LRP1B: variants seen among roughly 807,000 people sequenced by gnomAD.
LRP1B encodes the protein low-density lipoprotein receptor-related protein 1B.
A neutral mutation model predicts 556.6 loss-of-function variants in LRP1B; 217 were observed. The ratio of observed to expected loss-of-function variants is 0.39; its 90% CI spans 0.35 to 0.44. The LOEUF is 0.44. LRP1B is among the 20% of genes least tolerant of loss of function. The pLI, the probability that LRP1B is intolerant of heterozygous loss-of-function variation, is 1.00. For missense variants in LRP1B, 5,053 were observed against 5,620.8 expected, an observed-to-expected ratio of 0.90 and a Z score of 3.23; for synonymous variants, 2,047 against 1,865.8, an observed-to-expected ratio of 1.10 and a Z score of -2.50.
chr2:140,955,191 C>T (rs563757394), intron 18 of LRP1B, among the ~76,000 whole-genome samples: 1 of 151,900 alleles, frequency 6.6e-6, no homozygotes, highest in African/African-American at 2.4e-5. Context: ...GGGGTTTTCA[C>T]AGCATTATAA....
intron 35 of LRP1B, among the ~76,000 whole-genome samples, chr2:140,725,399 T>C (rs1474860405): frequency 6.6e-6 from 1 of 151,802 alleles, no homozygotes; most frequent in Non-Finnish European, 1.5e-5. Context: ...AAACATGAAA[T>C]ACAAACAGTG....
rs1687157414 is a variant in LRP1B, at chr2:140,457,657, A to G, written c.9626-6T>C. ...TGGAATATCTTGATTAGGGACTGTA[A>G]TAGGAGATGGTAAGATTAATGTTCA... On this transcript the variant is annotated splice_polypyrimidine_tract_variant and splice_region_variant and intron_variant, in intron 60 of 90. Transcript: ENST00000389484. 1 of 1,606,840 alleles carries G rather than the reference A, an allele frequency of 6.2e-7. No individual in the cohort carries two copies. The highest frequency in any genetic ancestry group is 8.5e-7 in the Non-Finnish European group (1 of 1,173,784).
chr2:140,828,555 G>A (rs1005697144), intron 31 of LRP1B, among the ~76,000 whole-genome samples: 6 of 122,362 alleles, frequency 4.9e-5, no homozygotes, highest in African/African-American at 1.9e-4. Context: ...CTTGCAGTGA[G>A]CCGAGATCGC....
intron 5 of LRP1B, among the ~76,000 whole-genome samples, chr2:141,231,625 GC>G (rs1356543301): frequency 2.7e-5 from 1 of 37,712 alleles, no homozygotes; most frequent in Non-Finnish European, 5.9e-5. Flanking sequence ...CCCCTGCCCC[GC>G]CCCGCCACCC....
intron 37 of LRP1B, among the ~76,000 whole-genome samples, chr2:140,704,498 T>C (rs1686756775): frequency 6.6e-6 from 1 of 152,122 alleles, no homozygotes. Flanking sequence ...AAAATCCAAC[T>C]AATATTTTAT....
chr2:141,505,546 G>T (rs1683892071), intron 2 of LRP1B, among the ~76,000 whole-genome samples: 1 of 151,946 alleles, frequency 6.6e-6, no homozygotes, highest in Admixed American at 6.6e-5. Context: ...GAAAAATATT[G>T]CAATAGACCT....
chr2:140,396,543 C>T (rs114849747), intron 66 of LRP1B, among the ~76,000 whole-genome samples: 3,115 of 152,028 alleles, frequency 0.02, 36 homozygotes, highest in African/African-American at 0.028. Flanking sequence ...TAACAGAGGG[C>T]GATTATTTAT....
intron 1 of LRP1B, among the ~76,000 whole-genome samples, chr2:142,035,927 G>C (rs754674797): frequency 2.4e-4 from 37 of 151,830 alleles, no homozygotes; most frequent in Admixed American, 5.9e-4. Context: ...TAAGTCTCAT[G>C]AGATCTGATG....
At chr2:141,937,317 G>A (rs1453057101) in intron 1 of LRP1B, among the ~76,000 whole-genome samples, 2 of 151,784 alleles carry the variant, frequency 1.3e-5, no homozygotes, top group Non-Finnish European at 2.9e-5. Flanking sequence ...GGTGGAAGGC[G>A]GAGTTTGCAG....
intron 2 of LRP1B, among the ~76,000 whole-genome samples, chr2:141,504,766 C>T (rs575224506): frequency 7.2e-5 from 11 of 152,186 alleles, no homozygotes; most frequent in Admixed American, 6.6e-4. Context: ...CTGCTAGTCA[C>T]ATATGGCTAA....
intron 41 of LRP1B, among the ~76,000 whole-genome samples, chr2:140,618,596 A>G (rs958667024): frequency 9.2e-5 from 14 of 152,082 alleles, no homozygotes; most frequent in African/African-American, 3.4e-4. Flanking sequence ...AGTTAGAAAA[A>G]CAAAAGACAC....
At chr2:140,939,549 G>A (rs973702881) in intron 20 of LRP1B, among the ~76,000 whole-genome samples, 7 of 147,786 alleles carry the variant, frequency 4.7e-5, no homozygotes, top group Admixed American at 2.7e-4. Flanking sequence ...TAAATTGTAG[G>A]TCAATACATG....
At chr2:141,536,041 T>G (rs1210321559) in intron 2 of LRP1B, among the ~76,000 whole-genome samples, 3 of 152,164 alleles carry the variant, frequency 2.0e-5, no homozygotes, top group African/African-American at 7.2e-5. Context: ...CATGCAAGAT[T>G]GTTTAAAATT....
At chr2:141,788,920 T>G (rs1443893657) in intron 2 of LRP1B, among the ~76,000 whole-genome samples, 1 of 152,136 alleles carries the variant, frequency 6.6e-6, no homozygotes, top group African/African-American at 2.4e-5. Flanking sequence ...TGCCACATTT[T>G]CTTAATCCAG....
chr2:141,191,796 T>C (rs1270502430), intron 6 of LRP1B, among the ~76,000 whole-genome samples: 1 of 151,870 alleles, frequency 6.6e-6, no homozygotes, highest in Non-Finnish European at 1.5e-5. Context: ...TGTATTATTA[T>C]ATCAGCTAGA....
intron 2 of LRP1B, among the ~76,000 whole-genome samples, chr2:141,585,617 T>C (rs191746845): frequency 2.0e-5 from 3 of 152,086 alleles, no homozygotes; most frequent in Admixed American, 2.0e-4. Flanking sequence ...GCCTATTTCA[T>C]GTCCCTGATT....
At chr2:140,287,810 C>T (rs1298693420) in intron 84 of LRP1B, among the ~76,000 whole-genome samples, 2 of 151,584 alleles carry the variant, frequency 1.3e-5, no homozygotes, top group African/African-American at 2.4e-5. Flanking sequence ...AGGTTATTTT[C>T]ATATTATGGA....
At chr2:141,966,550 G>C (rs72986549) in intron 1 of LRP1B, among the ~76,000 whole-genome samples, 5 of 151,810 alleles carry the variant, frequency 3.3e-5, no homozygotes, top group African/African-American at 1.2e-4. Context: ...TTTTAACTCA[G>C]AGTGAAGTGA....
At chr2:140,894,661 A>C (rs1042035223) in intron 23 of LRP1B, among the ~76,000 whole-genome samples, 1 of 152,122 alleles carries the variant, frequency 6.6e-6, no homozygotes, top group Admixed American at 6.6e-5. Context: ...AGTAAGAAAA[A>C]TGATAGGCCG....
Sources: allele counts gnomAD v4.1 joint callset (sites outside exome capture counted in the v4.1 genomes callset), GRCh38; gene constraint gnomAD v4.1.1; transcripts MANE v1.5; gene names NCBI Gene and HGNC (gene_info 2026-07-23, HGNC 2026-07-21).